The following WWOX variants were observed in gnomAD, a reference collection of about 807,000 sequenced individuals.
WWOX encodes WW domain-containing oxidoreductase.
Under a neutral mutation model 46.2 loss-of-function variants are expected in WWOX, and 69 were observed. The ratio of observed to expected loss-of-function variants is 1.49; its 90% CI spans 1.23 to 1.82. The LOEUF is 1.82. Among genes scored for constraint, WWOX ranks in the 40% most tolerant of loss-of-function variants. The pLI, the probability that WWOX is intolerant of heterozygous loss-of-function variation, is 0.00. For synonymous variants in WWOX, 359 were observed against 202.6 expected (o/e 1.77, Z -6.56); for missense variants, 919 against 542.6 (o/e 1.69, Z -6.89).
rs58213380 is a variant in WWOX, at chr16:78,743,082, C to A, written c.1056+310330C>A. Among the ~76,000 whole-genome samples the A allele has an allele frequency of 5.2e-3, 798 of 152,164 alleles. 4 individuals carry two copies. The highest frequency in any genetic ancestry group is 0.018 in the African/African-American group (727 of 41,536). On this transcript the variant is annotated intron_variant, in intron 8 of 8. Transcript: ENST00000566780. ...TGAACAGGAAGTGAACCCGATCAGC[C>A]CCCGAAGGAAACATCCGTCTCTCTC...
intron 8 of WWOX, among the ~76,000 whole-genome samples, chr16:78,721,160 C>T (rs1198820752): frequency 2.0e-5 from 3 of 152,148 alleles, no homozygotes; most frequent in Admixed American, 2.0e-4. Context: ...TGGGATATGT[C>T]CCACAATTGG....
At chr16:79,157,219 A>G (rs994345354) in intron 8 of WWOX, among the ~76,000 whole-genome samples, 1 of 152,218 alleles carries the variant, frequency 6.6e-6, no homozygotes, top group Admixed American at 6.5e-5. Context: ...TGAGCCAAAA[A>G]GACAAAACAA....
At chr16:78,864,005 G>A (rs984101835) in intron 8 of WWOX, among the ~76,000 whole-genome samples, 2 of 152,108 alleles carry the variant, frequency 1.3e-5, no homozygotes, top group African/African-American at 2.4e-5. Context: ...CTGTTGATGG[G>A]CATTTGTGTT....
At chr16:78,768,767 C>G (rs920531253) in intron 8 of WWOX, among the ~76,000 whole-genome samples, 41 of 152,226 alleles carry the variant, frequency 2.7e-4, no homozygotes, top group African/African-American at 9.4e-4. Flanking sequence ...CATTTCACAG[C>G]TTGCTGGTGG....
At chr16:78,423,668 C>G (rs1447963898) in intron 6 of WWOX, among the ~76,000 whole-genome samples, 3 of 151,804 alleles carry the variant, frequency 2.0e-5, no homozygotes, top group Admixed American at 6.6e-5. Context: ...GGGAGCCCAT[C>G]TCTACAAAAA....
At chr16:78,520,555 C>A (rs2043326036) in intron 8 of WWOX, among the ~76,000 whole-genome samples, 1 of 151,834 alleles carries the variant, frequency 6.6e-6, no homozygotes, top group African/African-American at 2.4e-5. Context: ...ATGCTCAGCA[C>A]AGATTGGCAG....
intron 1 of WWOX, among the ~76,000 whole-genome samples, chr16:78,105,664 G>T (rs2032093263): frequency 6.6e-6 from 1 of 152,122 alleles, no homozygotes; most frequent in South Asian, 2.1e-4. Context: ...GTTTACATTT[G>T]TGCGCCTGCT....
chr16:78,853,571 A>G (rs759257800), intron 8 of WWOX, among the ~76,000 whole-genome samples: 1 of 152,200 alleles, frequency 6.6e-6, no homozygotes, highest in Non-Finnish European at 1.5e-5. Context: ...CTTCTTGACC[A>G]TGAGGCAGAA....
intron 8 of WWOX, among the ~76,000 whole-genome samples, chr16:79,072,315 C>G (rs1426497289): frequency 6.6e-6 from 1 of 152,044 alleles, no homozygotes; most frequent in Non-Finnish European, 1.5e-5. Flanking sequence ...AACAGTATTC[C>G]TATCATATGC....
At chr16:78,889,379 A>G (rs1228530530) in intron 8 of WWOX, among the ~76,000 whole-genome samples, 3 of 115,344 alleles carry the variant, frequency 2.6e-5, no homozygotes, top group Non-Finnish European at 4.9e-5. Context: ...ACTATGGATC[A>G]GCAGCCTAAA....
In WWOX at chr16:78,313,115, T is replaced by A. The variant is rs1040192998; in HGVS notation, c.517-73745T>A. On this transcript the variant is annotated intron_variant, in intron 5 of 8. Transcript: ENST00000566780. ...TAACATCTAAAGAATAACAGGAAAATCCACCTGGGTGGCCAAAGTCAATGT... is the reference window on the plus strand; with the variant it reads ...TAACATCTAAAGAATAACAGGAAAAACCACCTGGGTGGCCAAAGTCAATGT... Among the ~76,000 whole-genome samples, 33 of 152,174 alleles carry A rather than the reference T, an allele frequency of 2.2e-4. 2 individuals carry two copies.
intron 5 of WWOX, among the ~76,000 whole-genome samples, chr16:78,341,317 T>C (rs909347273): frequency 1.7e-5 from 2 of 120,940 alleles, no homozygotes; most frequent in African/African-American, 2.8e-5. Context: ...AACTTTAAAT[T>C]TTTATATTGA....
At chr16:79,152,673 GAAA>G (rs5818205) in intron 8 of WWOX, among the ~76,000 whole-genome samples, 3 of 125,758 alleles carry the variant, frequency 2.4e-5, no homozygotes, top group African/African-American at 8.5e-5. Context: ...CCATCTCAAA[GAAA>G]AAAAAAAAAA....
At chr16:78,907,233 G>T (rs546154339) in intron 8 of WWOX, among the ~76,000 whole-genome samples, 17 of 152,254 alleles carry the variant, frequency 1.1e-4, no homozygotes, top group African/African-American at 9.6e-5. Flanking sequence ...GCTTCTGGGT[G>T]GGGGGCAGGG....
chr16:79,021,623 G>A (rs1266891338), intron 8 of WWOX, among the ~76,000 whole-genome samples: 1 of 152,184 alleles, frequency 6.6e-6, no homozygotes, highest in Non-Finnish European at 1.5e-5. Context: ...CGCGTGATAG[G>A]AAAATATCTG....
chr16:79,128,386 CAAAA>C (rs375875219), intron 8 of WWOX, among the ~76,000 whole-genome samples: 1 of 139,300 alleles, frequency 7.2e-6, no homozygotes, highest in Non-Finnish European at 1.6e-5. Context: ...AAACAAAAAA[CAAAA>C]AAAAAAACAC....
intron 5 of WWOX, among the ~76,000 whole-genome samples, chr16:78,226,688 C>G (rs2037071472): frequency 6.6e-6 from 1 of 152,006 alleles, no homozygotes; most frequent in African/African-American, 2.4e-5. Context: ...TGCACCTGGC[C>G]TCATTTATTG....
chr16:78,696,207 G>A (rs1037796889), intron 8 of WWOX, among the ~76,000 whole-genome samples: 5 of 152,126 alleles, frequency 3.3e-5, no homozygotes, highest in African/African-American at 1.2e-4. Context: ...AACTCTCTCT[G>A]CCTGGCAACT....
At chr16:78,626,135 T>C (rs2046305834) in intron 8 of WWOX, among the ~76,000 whole-genome samples, 1 of 151,950 alleles carries the variant, frequency 6.6e-6, no homozygotes, top group Non-Finnish European at 1.5e-5. Context: ...TTTATTTATT[T>C]TTTTTTTCTT....
Sources: gnomAD v4.1 joint callset for allele counts (sites outside exome capture counted in the v4.1 genomes callset) on GRCh38, gnomAD v4.1.1 for gene constraint, MANE v1.5 for transcripts, NCBI Gene and HGNC (gene_info 2026-07-23, HGNC 2026-07-21) for gene names.